Variants in BAZ2B observed in about 807,000 individuals in gnomAD.
BAZ2B encodes the protein bromodomain adjacent to zinc finger domain 2B.
In BAZ2B, 91 loss-of-function variants were observed where a neutral mutation model predicts 246.0. The observed-to-expected ratio is 0.37, with a 90% confidence interval of 0.31 to 0.44. The LOEUF (loss-of-function observed/expected upper bound fraction) is 0.44. Among genes scored for constraint, BAZ2B ranks in the 20% least tolerant of loss-of-function variants. BAZ2B has a pLI of 1.00. For missense variants in BAZ2B, 2,332 were observed against 2,533.7 expected, an observed-to-expected ratio of 0.92 and a Z score of 1.71; for synonymous variants, 855 against 860.0, an observed-to-expected ratio of 0.99 and a Z score of 0.10.
chr2:159,708,837 T>C, the BAZ2B span, among the ~76,000 whole-genome samples: 1 of 152,114 alleles, frequency 6.6e-6, no homozygotes, highest in African/African-American at 2.4e-5. Flanking sequence ...CCTGGGATTA[T>C]AGGCTTGAGC....
chr2:159,605,598 TA>T (rs200892111), intron 1 of BAZ2B, among the ~76,000 whole-genome samples: 62 of 148,202 alleles, frequency 4.2e-4, no homozygotes, highest in African/African-American at 1.3e-3. Context: ...CACTTCATTA[TA>T]AAAAAAAAAC....
the BAZ2B span, chr2:159,710,830 C>T: frequency 6.6e-6 from 1 of 152,154 alleles, no homozygotes; most frequent in Non-Finnish European, 1.5e-5. Context: ...GGTCTGACTG[C>T]CATAGCTCAG....
In BAZ2B at chr2:159,341,107, A is replaced by C. The variant is rs138866875; in HGVS notation, c.5455-3335T>G. Among the ~76,000 whole-genome samples, 37 of 152,246 alleles carry C rather than the reference A, an allele frequency of 2.4e-4. No homozygotes were observed. In the East Asian group the frequency reaches 7.1e-3, roughly 29 times the overall value. On this transcript the variant is annotated intron_variant, in intron 31 of 36. Coordinates refer to ENST00000392783, the MANE Select transcript of BAZ2B (RefSeq NM_013450.4). ...TGGATTAAAAAAACAAGGCCCAACT[A>C]TATGCTGCCTATAAGAAACTCCCCT... is the stretch of plus-strand genomic sequence containing the variant.
At chr2:159,644,402 T>C in the BAZ2B span, among the ~76,000 whole-genome samples, 1 of 152,210 alleles carries the variant, frequency 6.6e-6, no homozygotes, top group East Asian at 1.9e-4. Context: ...CCTACTGGGA[T>C]GGCAATATCA....
At chr2:159,428,844 T>C (rs2070510753) in intron 11 of BAZ2B, among the ~76,000 whole-genome samples, 1 of 152,108 alleles carries the variant, frequency 6.6e-6, no homozygotes, top group South Asian at 2.1e-4. Flanking sequence ...GTTGAGTCCC[T>C]CAATTTTGAC....
chr2:159,651,976 G>A, the BAZ2B span, among the ~76,000 whole-genome samples: 1 of 151,952 alleles, frequency 6.6e-6, no homozygotes, highest in South Asian at 2.1e-4. Context: ...CAAATTTTGA[G>A]CTATTATGAA....
chr2:159,419,863 G>A (rs776304076), intron 13 of BAZ2B: 28 of 152,102 alleles, frequency 1.8e-4, no homozygotes, highest in Non-Finnish European at 2.4e-4. Context: ...TCGTGCCCAC[G>A]GCTATGTTGC....
chr2:159,540,764 T>A (rs774141615), intron 2 of BAZ2B, among the ~76,000 whole-genome samples: 2 of 152,204 alleles, frequency 1.3e-5, no homozygotes, highest in Non-Finnish European at 2.9e-5. Flanking sequence ...CTATCTGGTA[T>A]ATAAGTACCT....
the BAZ2B span, among the ~76,000 whole-genome samples, chr2:159,629,020 A>C: frequency 6.6e-6 from 1 of 152,264 alleles, no homozygotes; most frequent in Non-Finnish European, 1.5e-5. Context: ...GAAGGATGTG[A>C]ACAGGCACTT....
At chr2:159,325,077 TTATATATATA>T (rs1209767618) in intron 35 of BAZ2B, 123 bp from the exon 36 acceptor site, 1 of 2,444 alleles carries the variant, frequency 4.1e-4, no homozygotes, top group Non-Finnish European at 1.1e-3. Context: ...TATATATATA[TTATATATATA>T]TATATTATAT....
the BAZ2B span, among the ~76,000 whole-genome samples, chr2:159,624,333 C>G: frequency 4.6e-5 from 7 of 152,332 alleles, no homozygotes; most frequent in Admixed American, 3.3e-4. Flanking sequence ...GCACAGTGTT[C>G]AAGCTCTGCT....
At chr2:159,474,922 T>A (rs2078317253) in intron 3 of BAZ2B, among the ~76,000 whole-genome samples, 1 of 152,212 alleles carries the variant, frequency 6.6e-6, no homozygotes, top group South Asian at 2.1e-4. Context: ...TGCAGAGAGA[T>A]CTACTGTTAG....
At chr2:159,367,150 A>G (rs1010307560) in intron 27 of BAZ2B, among the ~76,000 whole-genome samples, 1 of 152,156 alleles carries the variant, frequency 6.6e-6, no homozygotes, top group African/African-American at 2.4e-5. Context: ...TTTGAGATAT[A>G]TGTTGTTTCT....
downstream of BAZ2B, among the ~76,000 whole-genome samples, chr2:159,316,041 G>A (rs146224618): frequency 7.6e-4 from 115 of 152,194 alleles, no homozygotes; most frequent in African/African-American, 2.7e-3. Context: ...ACCACTGTGT[G>A]TACATACGTA....
the BAZ2B span, among the ~76,000 whole-genome samples, chr2:159,709,318 G>A: frequency 6.6e-6 from 1 of 151,380 alleles, no homozygotes; most frequent in Non-Finnish European, 1.5e-5. Flanking sequence ...GTGGGGGTGG[G>A]GACAAAAAGA....
At chr2:159,442,671 T>C (rs1394335716) in intron 6 of BAZ2B, among the ~76,000 whole-genome samples, 1 of 152,214 alleles carries the variant, frequency 6.6e-6, no homozygotes, top group Non-Finnish European at 1.5e-5. Flanking sequence ...CCTCCTTCCA[T>C]GCTAGCCACT....
chr2:159,673,674 A>C, the BAZ2B span, among the ~76,000 whole-genome samples: 1 of 122,418 alleles, frequency 8.2e-6, no homozygotes, highest in African/African-American at 5.9e-5. Context: ...ATGTAGCTGT[A>C]AAAAAAAAAA....
chr2:159,324,240 A>G (rs1298292263), intron 36 of BAZ2B, among the ~76,000 whole-genome samples: 1 of 152,216 alleles, frequency 6.6e-6, no homozygotes, highest in Non-Finnish European at 1.5e-5. Context: ...ATAGGATTGC[A>G]AAGAGAATAT....
In BAZ2B at chr2:159,349,184, G is replaced by A. The variant is rs372805282; in HGVS notation, c.4960C>T (p.Leu1654=). ...NIPFTSSVPS[L]GSGLGLSEGN... is the part of the protein sequence containing the mutation. ...TCTGATAACCCTAACCCCGATCCTA[G>A]ACTAGGTACAGATGATGTAAATGGA... The change falls in exon 29 of 37, where the codon CTA becomes TTA. Residue 1654 remains leucine (L), a synonymous_variant. Coordinates refer to ENST00000392783, the MANE Select transcript of BAZ2B (RefSeq NM_013450.4). 3 of 1,614,062 alleles carry A rather than the reference G, an allele frequency of 1.9e-6. No individual in the cohort carries two copies. The highest frequency in any genetic ancestry group is 1.7e-6 in the Non-Finnish European group (2 of 1,179,968).
Sources: allele counts gnomAD v4.1 joint callset (sites outside exome capture counted in the v4.1 genomes callset), GRCh38; gene constraint gnomAD v4.1.1; transcripts MANE v1.5; gene names NCBI Gene and HGNC (gene_info 2026-07-23, HGNC 2026-07-21).